UGP2: variants seen among roughly 807,000 people sequenced by gnomAD.
The protein encoded by UGP2 is UDP-glucose pyrophosphorylase 2.
In UGP2, 40 loss-of-function variants were observed where a neutral mutation model predicts 49.0. That is an observed-to-expected ratio of 0.82 (90% confidence interval 0.63 to 1.06). UGP2 has a LOEUF of 1.06. UGP2 is among the 50% of genes least tolerant of loss of function. The pLI, the probability that UGP2 is intolerant of heterozygous loss-of-function variation, is 0.00. For missense variants in UGP2, 460 were observed against 603.5 expected, an observed-to-expected ratio of 0.76 and a Z score of 2.49; for synonymous variants, 225 against 213.0, an observed-to-expected ratio of 1.06 and a Z score of -0.49.
intron 9 of UGP2, 95 bp from the exon 10 acceptor site, chr2:63,891,025 A>T (rs1207045755): frequency 1.5e-5 from 4 of 270,120 alleles, no homozygotes; most frequent in African/African-American, 9.3e-5. Context: ...ACTTCACTGT[A>T]AAAAAAAAAA....
intron 2 of UGP2, chr2:63,857,487 C>T (rs1406472686): frequency 4.5e-5 from 18 of 395,922 alleles, no homozygotes; most frequent in Non-Finnish European, 8.6e-5. Flanking sequence ...CCTCAGCCCC[C>T]GAGTAGGTGA....
rs760720585 is a variant in UGP2, at chr2:63,842,470, C to G, written c.19+266C>G. 22 of 1,539,824 alleles carry G rather than the reference C, an allele frequency of 1.4e-5. No individual in the cohort carries two copies. In the East Asian group the frequency reaches 5.4e-4, roughly 38 times the overall value. On this transcript the variant is annotated intron_variant, in intron 1 of 9. Coordinates refer to ENST00000337130, the MANE Select transcript of UGP2 (RefSeq NM_006759.4). ...GTACCGTCGCTTTCCTGGATAGTGG[C>G]TGTAAGTGATAAAACAGGATTTTTG...
rs1220462974 is a variant in UGP2 at position 63,856,323 on chromosome 2, T to C, written c.37T>C (p.Ser13Pro). Residue 13 changes from serine to proline, a missense_variant, in exon 2 of 10, where the codon TCT (serine) becomes CCT (proline). Ser to Pro is a moderately conservative substitution (Grantham distance 74). Coordinates refer to ENST00000337130, the MANE Select transcript of UGP2 (RefSeq NM_006759.4). ...RFVQDLSKAM[S>P]QDGASQFQEV... Reference sequence around the variant, plus strand: ...GTTTTAAGATCTTAGCAAAGCAATGTCTCAAGATGGTGCTTCTCAGTTCCA... The same window carrying C: ...GTTTTAAGATCTTAGCAAAGCAATGCCTCAAGATGGTGCTTCTCAGTTCCA... 3 of 1,613,448 alleles carry C rather than the reference T, an allele frequency of 1.9e-6. No individual in the cohort carries two copies. Among genetic ancestry groups the C allele is most frequent in the South Asian group, 1.1e-5 (1 of 90,956 alleles).
intron 8 of UGP2, 156 bp downstream of exon 8, chr2:63,887,800 G>A: frequency 2.0e-6 from 2 of 992,252 alleles, no homozygotes; most frequent in South Asian, 3.7e-5. Context: ...GACCATAGAA[G>A]ATAAATATTT....
At chr2:63,868,797 A>G (rs948439483) in intron 3 of UGP2, among the ~76,000 whole-genome samples, 1 of 152,050 alleles carries the variant, frequency 6.6e-6, no homozygotes, top group Non-Finnish European at 1.5e-5. Context: ...AACATGGTGA[A>G]ACCCCATCTC....
intron 3 of UGP2, among the ~76,000 whole-genome samples, chr2:63,875,143 G>A (rs1553465139): frequency 6.6e-6 from 1 of 152,212 alleles, no homozygotes; most frequent in Non-Finnish European, 1.5e-5. Context: ...GACTAGCACA[G>A]AATTTGGCAC....
rs556199649 is a variant in UGP2 at position 63,842,256 on chromosome 2, C to T, written c.19+52C>T. 52 of 1,607,800 alleles carry T rather than the reference C, an allele frequency of 3.2e-5. No homozygotes were observed. The African/African-American group carries it at 6.2e-4, about 19-fold the overall frequency. ...GAGTTGCTTCAGGCAAATTTGGGTA[C>T]TGACAGTGGAGAGGTTGGTGGGTGG... On this transcript the variant is annotated intron_variant, in intron 1 of 9. Coordinates refer to ENST00000337130, the MANE Select transcript of UGP2 (RefSeq NM_006759.4).
intron 7 of UGP2, among the ~76,000 whole-genome samples, chr2:63,886,840 G>A (rs1032532392): frequency 6.6e-6 from 1 of 152,116 alleles, no homozygotes; most frequent in Admixed American, 6.5e-5. Flanking sequence ...TTTGGCCATC[G>A]GTACTTTGCA....
intron 3 of UGP2, 58 bp from the exon 4 acceptor site, chr2:63,882,408 T>C (rs553413443): frequency 9.0e-6 from 12 of 1,337,690 alleles, no homozygotes; most frequent in African/African-American, 5.9e-5. Flanking sequence ...GGGATTGATA[T>C]GCTTTAACGT....
intron 3 of UGP2, among the ~76,000 whole-genome samples, chr2:63,861,296 C>T (rs1433395302): frequency 1.3e-5 from 2 of 151,778 alleles, no homozygotes; most frequent in Non-Finnish European, 1.5e-5. Context: ...CAAGCTTACA[C>T]GTTGGGCATG....
At chr2:63,864,935 C>G (rs950389963) in intron 3 of UGP2, among the ~76,000 whole-genome samples, 4 of 152,172 alleles carry the variant, frequency 2.6e-5, no homozygotes, top group Non-Finnish European at 5.9e-5. Flanking sequence ...GAGCTCTATT[C>G]TAGTGGGAGA....
chr2:63,843,252 A>G (rs558293235), intron 1 of UGP2, among the ~76,000 whole-genome samples: 6 of 152,348 alleles, frequency 3.9e-5, no homozygotes, highest in African/African-American at 1.4e-4. Context: ...TGCCTGTGTT[A>G]TTATCGAAAC....
chr2:63,881,752 G>T (rs1418617631), intron 3 of UGP2, among the ~76,000 whole-genome samples: 1 of 152,192 alleles, frequency 6.6e-6, no homozygotes, highest in Non-Finnish European at 1.5e-5. Flanking sequence ...AGAAGATTGA[G>T]TTGGGATTTT....
intron 5 of UGP2, 108 bp downstream of exon 5, chr2:63,884,201 G>T: frequency 2.3e-6 from 3 of 1,313,994 alleles, no homozygotes; most frequent in Non-Finnish European, 3.1e-6. Flanking sequence ...AAATATTGAT[G>T]TTCACAAGTG....
chr2:63,855,784 A>ACCC, intron 1 of UGP2: 2 of 309,820 alleles, frequency 6.5e-6, no homozygotes, highest in South Asian at 4.8e-5. Flanking sequence ...TCCAGGGTCT[A>ACCC]CCCGCCTCAG....
chr2:63,873,230 C>A (rs557470927), intron 3 of UGP2, among the ~76,000 whole-genome samples: 1 of 152,278 alleles, frequency 6.6e-6, no homozygotes, highest in African/African-American at 2.4e-5. Context: ...AAAGAAAAGT[C>A]AAAATGGAAT....
intron 6 of UGP2, 89 bp from the exon 7 acceptor site, chr2:63,886,252 A>G (rs909324365): frequency 9.6e-5 from 119 of 1,242,534 alleles, no homozygotes; most frequent in Non-Finnish European, 1.2e-4. Context: ...ATGTATTTAT[A>G]TATTTTTTGT....
intron 8 of UGP2, chr2:63,889,257 A>G (rs912051974): frequency 1.6e-4 from 24 of 152,106 alleles, no homozygotes; most frequent in African/African-American, 5.3e-4. Context: ...AGAAACAGAG[A>G]AATGGGGCTA....
chr2:63,890,042 C>A, intron 8 of UGP2, 39 bp from the exon 9 acceptor site: 1 of 1,477,706 alleles, frequency 6.8e-7, no homozygotes, highest in Non-Finnish European at 9.3e-7. Context: ...TCTTTGAACC[C>A]ATTTGAGACA....
Sources: allele counts gnomAD v4.1 joint callset (sites outside exome capture counted in the v4.1 genomes callset), GRCh38; gene constraint gnomAD v4.1.1; transcripts MANE v1.5; gene names NCBI Gene and HGNC (gene_info 2026-07-23, HGNC 2026-07-21).